The following LRP1B variants were observed in gnomAD, a reference collection of about 807,000 sequenced individuals.
LRP1B encodes the protein low-density lipoprotein receptor-related protein 1B.
LRP1B carries 217 observed loss-of-function variants against 556.6 expected under a neutral mutation model. That is an observed-to-expected ratio of 0.39 (90% confidence interval 0.35 to 0.44). The LOEUF (loss-of-function observed/expected upper bound fraction) is 0.44, where lower values mean the gene tolerates loss of function less well. Among genes scored for constraint, LRP1B ranks in the 20% least tolerant of loss-of-function variants. The pLI, the probability that LRP1B is intolerant of heterozygous loss-of-function variation, is 1.00. For missense variants in LRP1B, 5,053 were observed against 5,620.8 expected, an observed-to-expected ratio of 0.90 and a Z score of 3.23; for synonymous variants, 2,047 against 1,865.8, an observed-to-expected ratio of 1.10 and a Z score of -2.50.
At chr2:141,829,211 A>C (rs1697032059) in intron 1 of LRP1B, among the ~76,000 whole-genome samples, 1 of 152,052 alleles carries the variant, frequency 6.6e-6, no homozygotes, top group Non-Finnish European at 1.5e-5. Context: ...CTGTGTTTCC[A>C]CCAAATGTAC....
intron 77 of LRP1B, among the ~76,000 whole-genome samples, chr2:140,345,843 TAC>T (rs201538692): frequency 0.1 from 13,883 of 133,076 alleles, 912 homozygotes; most frequent in Middle Eastern, 0.14. Flanking sequence ...TATATACACA[TAC>T]ACACACACAC....
intron 66 of LRP1B, among the ~76,000 whole-genome samples, chr2:140,422,336 G>C (rs1297902094): frequency 1.3e-5 from 2 of 152,176 alleles, no homozygotes; most frequent in African/African-American, 4.8e-5. Flanking sequence ...TCAACAGTGT[G>C]AACACTGGTT....
At chr2:140,366,682 C>T (rs1298930568) in intron 71 of LRP1B, among the ~76,000 whole-genome samples, 1 of 151,622 alleles carries the variant, frequency 6.6e-6, no homozygotes, top group Non-Finnish European at 1.5e-5. Flanking sequence ...AGAGGGATAG[C>T]ACATGTAACT....
At chr2:140,548,356 T>C (rs542090454) in intron 43 of LRP1B, among the ~76,000 whole-genome samples, 1 of 152,286 alleles carries the variant, frequency 6.6e-6, no homozygotes, top group South Asian at 2.1e-4. Context: ...CATAATCTTC[T>C]TTACATGTAT....
rs532501904 is a variant in LRP1B, at chr2:141,094,903, C to T, written c.1014-32630G>A. The stretch of plus-strand genomic sequence containing the variant: ...GAAGAATGACTGACAACCCCTGTTA[C>T]GGTTTGAATGTGTCCCCCCAAAAAC... On this transcript the variant is annotated intron_variant, in intron 7 of 90. Transcript: ENST00000389484. Among the ~76,000 whole-genome samples, 10 of 152,276 alleles carry T rather than the reference C, an allele frequency of 6.6e-5. No individual in the cohort carries two copies. In the South Asian group the frequency reaches 1.2e-3, roughly 19 times the overall value.
At chr2:141,684,354 C>T (rs1380105211) in intron 2 of LRP1B, among the ~76,000 whole-genome samples, 1 of 151,946 alleles carries the variant, frequency 6.6e-6, no homozygotes, top group Non-Finnish European at 1.5e-5. Context: ...AACACAGGAA[C>T]AGAAAACCAA....
intron 2 of LRP1B, among the ~76,000 whole-genome samples, chr2:141,560,281 C>T (rs16846471): frequency 5.3e-5 from 8 of 151,550 alleles, no homozygotes; most frequent in Non-Finnish European, 7.4e-5. Flanking sequence ...CCCAAGGCAA[C>T]CTGAATAGGA....
intron 79 of LRP1B, among the ~76,000 whole-genome samples, chr2:140,331,544 C>G (rs1454301410): frequency 1.3e-5 from 2 of 151,866 alleles, no homozygotes; most frequent in African/African-American, 4.8e-5. Flanking sequence ...TATTATGTCA[C>G]CCAACCTGTG....
At chr2:141,771,603 AAATTGATTTTATTCCCTATTGCTATG>A (rs750192888) in intron 2 of LRP1B, among the ~76,000 whole-genome samples, 5 of 152,076 alleles carry the variant, frequency 3.3e-5, no homozygotes, top group Non-Finnish European at 5.9e-5. Context: ...TTTTTTTAAG[AAATTGATTTTATTCCCTATTGCTATG>A]AACTGAATGT....
chr2:141,504,033 C>T (rs1683825194), intron 2 of LRP1B, among the ~76,000 whole-genome samples: 1 of 152,140 alleles, frequency 6.6e-6, no homozygotes, highest in Non-Finnish European at 1.5e-5. Context: ...TGGATTTCTG[C>T]CACCTCCAAA....
intron 3 of LRP1B, among the ~76,000 whole-genome samples, chr2:141,376,012 T>G (rs1183630013): frequency 6.6e-6 from 1 of 152,066 alleles, no homozygotes; most frequent in Admixed American, 6.5e-5. Context: ...CACATTTCAG[T>G]CTCAAAAGCA....
chr2:140,532,973 C>CTATATCTATATCT (rs1690784572), intron 47 of LRP1B, among the ~76,000 whole-genome samples: 2 of 48,466 alleles, frequency 4.1e-5, no homozygotes, highest in Admixed American at 1.7e-4. Flanking sequence ...GATCTGTTTA[C>CTATATCTATATCT]ATGGCTGTCT....
intron 86 of LRP1B, among the ~76,000 whole-genome samples, chr2:140,254,931 T>G (rs945431556): frequency 8.5e-5 from 13 of 152,192 alleles, no homozygotes; most frequent in Non-Finnish European, 1.6e-4. Context: ...TGTGTTAGTG[T>G]AAATTTCAAC....
intron 2 of LRP1B, among the ~76,000 whole-genome samples, chr2:141,764,651 T>C (rs1460842899): frequency 6.6e-6 from 1 of 152,070 alleles, no homozygotes; most frequent in East Asian, 1.9e-4. Flanking sequence ...ATTTCCAGCT[T>C]CTAAAACTGT....
chr2:140,977,815 T>A (rs1181064241), intron 18 of LRP1B, among the ~76,000 whole-genome samples: 2 of 152,168 alleles, frequency 1.3e-5, no homozygotes, highest in Admixed American at 6.5e-5. Flanking sequence ...TAGGGAAGCA[T>A]TAAAAATACT....
rs1553439324 is a variant in LRP1B, at chr2:140,284,910, A to ACCTATATCTG, written c.12968-10313_12968-10312insCAGATATAGG. Among the ~76,000 whole-genome samples, 2 of 138,630 alleles carry ACCTATATCTG rather than the reference A, an allele frequency of 1.4e-5. 1 individual carries two copies. The highest frequency in any genetic ancestry group is 3.3e-5 in the Non-Finnish European group (2 of 61,288). The allele number at this position is 138,630 out of a possible 152,430, so 90.9% of individuals were successfully genotyped here. A position where few individuals can be genotyped will look rare whatever the true frequency, so the allele number is the denominator to read the frequency against. ...TCTATATATGGATATCTATATACCT[A>ACCTATATCTG]TATACCTAGATATACCTAGATATCT... On this transcript the variant is annotated intron_variant, in intron 84 of 90. Transcript: ENST00000389484.
intron 49 of LRP1B, among the ~76,000 whole-genome samples, chr2:140,517,839 T>G (rs573272231): frequency 9.4e-4 from 142 of 151,346 alleles, no homozygotes; most frequent in Middle Eastern, 3.4e-3. Flanking sequence ...GACTCCTGAA[T>G]AGCTAGGACT....
At chr2:140,767,334 C>T (rs1490556767) in intron 35 of LRP1B, among the ~76,000 whole-genome samples, 2 of 151,902 alleles carry the variant, frequency 1.3e-5, no homozygotes, top group Non-Finnish European at 2.9e-5. Context: ...ATATGGTAGG[C>T]AAAATGTAAA....
At chr2:141,559,294 A>G (rs72976087) in intron 2 of LRP1B, among the ~76,000 whole-genome samples, 4,125 of 151,812 alleles carry the variant, frequency 0.027, 204 homozygotes, top group African/African-American at 0.091. Context: ...TCAAAGGTCT[A>G]TGATTGATTT....
Sources: allele counts gnomAD v4.1 joint callset (sites outside exome capture counted in the v4.1 genomes callset), GRCh38; gene constraint gnomAD v4.1.1; transcripts MANE v1.5; gene names NCBI Gene and HGNC (gene_info 2026-07-23, HGNC 2026-07-21).